Variants in LSAMP observed in about 807,000 individuals in gnomAD.
LSAMP encodes limbic system associated membrane protein, also known as limbic system-associated membrane protein.
A neutral mutation model predicts 38.6 loss-of-function variants in LSAMP; 7 were observed. The ratio of observed to expected loss-of-function variants is 0.18; its 90% CI spans 0.10 to 0.34. The LOEUF (loss-of-function observed/expected upper bound fraction) is 0.34, where lower values mean the gene tolerates loss of function less well. LSAMP is among the 10% of genes least tolerant of loss of function. The pLI is 1.00. For synonymous variants in LSAMP, 154 were observed against 166.8 expected (o/e 0.92, Z 0.59); for missense variants, 313 against 420.0 (o/e 0.75, Z 2.23).
chr3:116,229,098 G>A (rs1260362499), intron 1 of LSAMP, among the ~76,000 whole-genome samples: 1 of 152,142 alleles, frequency 6.6e-6, no homozygotes. Flanking sequence ...GCTTTTTCAT[G>A]GGAATTTTAC....
intron 1 of LSAMP, among the ~76,000 whole-genome samples, chr3:116,383,510 T>C (rs1471147460): frequency 1.3e-5 from 2 of 152,128 alleles, no homozygotes; most frequent in Non-Finnish European, 2.9e-5. Flanking sequence ...TAAAATGCCT[T>C]GCTCTGACAG....
intron 1 of LSAMP, among the ~76,000 whole-genome samples, chr3:116,236,722 T>C (rs137861949): frequency 1.3e-5 from 2 of 152,232 alleles, no homozygotes; most frequent in East Asian, 3.9e-4. Context: ...TTTAGTGTTA[T>C]AGTATTTGGA....
intron 1 of LSAMP, among the ~76,000 whole-genome samples, chr3:116,259,360 C>G (rs1226261508): frequency 1.3e-5 from 2 of 152,070 alleles, no homozygotes; most frequent in Non-Finnish European, 2.9e-5. Context: ...TAACATTGCT[C>G]TAGAGGTATA....
intron 1 of LSAMP, among the ~76,000 whole-genome samples, chr3:116,209,990 G>A (rs543306786): frequency 4.6e-5 from 7 of 152,164 alleles, no homozygotes; most frequent in Non-Finnish European, 1.0e-4. Flanking sequence ...TCTTGACTTC[G>A]TGATCCGCCC....
chr3:116,054,166 T>C (rs1941446664), intron 2 of LSAMP, among the ~76,000 whole-genome samples: 1 of 152,192 alleles, frequency 6.6e-6, no homozygotes, highest in African/African-American at 2.4e-5. Flanking sequence ...ACCTTCCATC[T>C]TCAAAGCCAG....
chr3:115,976,433 T>G (rs1460500540), intron 3 of LSAMP, among the ~76,000 whole-genome samples: 2 of 152,078 alleles, frequency 1.3e-5, no homozygotes, highest in African/African-American at 4.8e-5. Context: ...TCAATCTGAA[T>G]CAAAAGAGGC....
intron 1 of LSAMP, among the ~76,000 whole-genome samples, chr3:116,087,983 T>C (rs1325017691): frequency 6.6e-6 from 1 of 150,978 alleles, no homozygotes; most frequent in East Asian, 2.0e-4. Flanking sequence ...AGCCTCAAAC[T>C]ACTGAGCTCA....
chr3:116,305,716 C>T (rs2047474969), intron 1 of LSAMP, among the ~76,000 whole-genome samples: 1 of 151,820 alleles, frequency 6.6e-6, no homozygotes, highest in South Asian at 2.1e-4. Flanking sequence ...CCAAATTGCA[C>T]TCATAATATT....
At chr3:116,439,146 T>A (rs1364486753) in intron 1 of LSAMP, among the ~76,000 whole-genome samples, 3 of 152,118 alleles carry the variant, frequency 2.0e-5, no homozygotes, top group African/African-American at 7.2e-5. Context: ...AGAGAGGATA[T>A]GTGGCAGCAG....
At chr3:116,402,637 C>T (rs770300763) in intron 1 of LSAMP, among the ~76,000 whole-genome samples, 1 of 151,992 alleles carries the variant, frequency 6.6e-6, no homozygotes, top group Non-Finnish European at 1.5e-5. Context: ...CATATACAGA[C>T]ATACGTATAC....
chr3:116,114,888 A>G (rs1708708410), intron 1 of LSAMP, among the ~76,000 whole-genome samples: 1 of 152,218 alleles, frequency 6.6e-6, no homozygotes, highest in Admixed American at 6.5e-5. Flanking sequence ...TACATTTTAC[A>G]ATGTTTTCCA....
chr3:115,838,434 G>T (rs1934867607), intron 6 of LSAMP, among the ~76,000 whole-genome samples: 1 of 152,130 alleles, frequency 6.6e-6, no homozygotes, highest in Non-Finnish European at 1.5e-5. Flanking sequence ...AACTTGTCTT[G>T]GTATCACTCG....
intron 6 of LSAMP, among the ~76,000 whole-genome samples, chr3:115,825,659 T>A (rs1434568770): frequency 6.6e-6 from 1 of 152,242 alleles, no homozygotes; most frequent in South Asian, 2.1e-4. Flanking sequence ...GAGTGTAATA[T>A]AGGTGAAAAT....
chr3:116,337,264 C>T (rs888396962), intron 1 of LSAMP, among the ~76,000 whole-genome samples: 2 of 151,848 alleles, frequency 1.3e-5, no homozygotes, highest in African/African-American at 4.8e-5. Context: ...TGTTGCACAA[C>T]ATTATGATGT....
chr3:115,836,957 T>C (rs1399335532), intron 6 of LSAMP, among the ~76,000 whole-genome samples: 1 of 152,136 alleles, frequency 6.6e-6, no homozygotes, highest in African/African-American at 2.4e-5. Context: ...ATTCTTTGTA[T>C]TTTTGGTAGA....
chr3:115,896,731 T>C (rs1488055377), intron 3 of LSAMP, among the ~76,000 whole-genome samples: 1 of 152,166 alleles, frequency 6.6e-6, no homozygotes. Context: ...CTCATTTTTC[T>C]AAATTGGTCT....
chr3:115,982,187 A>T (rs1939379791), intron 3 of LSAMP, among the ~76,000 whole-genome samples: 1 of 152,204 alleles, frequency 6.6e-6, no homozygotes, highest in African/African-American at 2.4e-5. Context: ...ATAAGCGGTT[A>T]TTGATGAATG....
intron 3 of LSAMP, among the ~76,000 whole-genome samples, chr3:115,910,413 G>C (rs1937108616): frequency 6.6e-6 from 1 of 152,206 alleles, no homozygotes; most frequent in South Asian, 2.1e-4. Flanking sequence ...TTTAATATAA[G>C]TAATGCCTTC....
chr3:116,064,252 A>G (rs1941644256), intron 2 of LSAMP, among the ~76,000 whole-genome samples: 1 of 152,180 alleles, frequency 6.6e-6, no homozygotes, highest in Admixed American at 6.5e-5. Flanking sequence ...GAGGCCAGGC[A>G]TGGTGGCTCA....
Sources: gnomAD v4.1 joint callset for allele counts (sites outside exome capture counted in the v4.1 genomes callset) on GRCh38, gnomAD v4.1.1 for gene constraint, MANE v1.5 for transcripts, NCBI Gene and HGNC (gene_info 2026-07-23, HGNC 2026-07-21) for gene names.